Variants in RIMS2 observed in about 807,000 individuals in gnomAD.
RIMS2 encodes regulating synaptic membrane exocytosis 2.
In RIMS2, 59 loss-of-function variants were observed where a neutral mutation model predicts 174.4. The observed-to-expected ratio is 0.34, with a 90% CI of 0.27 to 0.42. The LOEUF is 0.42. Ranked by LOEUF, RIMS2 falls within the 10% of genes least tolerant of loss-of-function variation. The pLI is 1.00. For synonymous variants in RIMS2, 606 were observed against 572.5 expected (o/e 1.06, Z -0.84); for missense variants, 1,620 against 1,666.3 (o/e 0.97, Z 0.48).
intron 2 of RIMS2, among the ~76,000 whole-genome samples, chr8:103,719,812 A>G (rs565069123): frequency 1.3e-5 from 2 of 152,190 alleles, no homozygotes; most frequent in Non-Finnish European, 2.9e-5. Flanking sequence ...TGACCTAGGC[A>G]TGTCTAGTGA....
At chr8:103,819,150 A>G in intron 3 of RIMS2, 1 of 987,360 alleles carries the variant, frequency 1.0e-6, no homozygotes, top group Non-Finnish European at 1.2e-6. Context: ...TGACGACAGC[A>G]TCTATTCATT....
In RIMS2 at chr8:103,890,107, G is replaced by A. The variant is rs371414076; in HGVS notation, c.1624+3884G>A. On this transcript the variant is annotated intron_variant, in intron 4 of 23. Transcript: ENST00000504942. ...TCATACAGTATTCAAATCATTTTTG[G>A]ATTACTTAATGTTCTGTGATAGTTA... 4.7e-4 allele frequency among the ~76,000 whole-genome samples: 71 copies of A among 151,986 alleles called. No individual in the cohort carries two copies. The Middle Eastern group carries it at 0.02, about 44-fold the overall frequency.
intron 19 of RIMS2, among the ~76,000 whole-genome samples, chr8:104,215,289 A>G (rs1339215099): frequency 6.6e-6 from 1 of 152,214 alleles, no homozygotes; most frequent in Non-Finnish European, 1.5e-5. Context: ...TGTAATGAAT[A>G]CATGAAGCTT....
intron 1 of RIMS2, among the ~76,000 whole-genome samples, chr8:103,543,109 A>G (rs892816732): frequency 3.9e-5 from 6 of 152,202 alleles, no homozygotes; most frequent in Middle Eastern, 3.2e-3. Flanking sequence ...ATGATCTTAT[A>G]TACAGAAAAC....
chr8:103,996,179 G>A (rs1299267596), intron 17 of RIMS2, among the ~76,000 whole-genome samples: 1 of 151,740 alleles, frequency 6.6e-6, no homozygotes, highest in Admixed American at 6.6e-5. Context: ...TAAAAATGAG[G>A]CCAAATGGAT....
chr8:103,517,483 A>G (rs1586635030), intron 1 of RIMS2, among the ~76,000 whole-genome samples: 1 of 151,066 alleles, frequency 6.6e-6, no homozygotes, highest in Non-Finnish European at 1.5e-5. Context: ...ACTGATATTC[A>G]ATTGACCTGC....
intron 19 of RIMS2, among the ~76,000 whole-genome samples, chr8:104,082,527 G>A (rs1398043790): frequency 6.6e-6 from 1 of 152,082 alleles, no homozygotes; most frequent in East Asian, 1.9e-4. Context: ...ATGAGCACAA[G>A]CCATGTTTAA....
intron 1 of RIMS2, among the ~76,000 whole-genome samples, chr8:103,524,769 A>T (rs1586772314): frequency 6.6e-6 from 1 of 152,104 alleles, no homozygotes; most frequent in Admixed American, 6.6e-5. Flanking sequence ...ACCCATTGCT[A>T]CCCCTGCCAG....
chr8:103,511,889 T>C (rs775478142), intron 1 of RIMS2, among the ~76,000 whole-genome samples: 10 of 152,150 alleles, frequency 6.6e-5, no homozygotes, highest in Non-Finnish European at 1.2e-4. Context: ...GAGAAGCCCT[T>C]CCTGTGTGTC....
intron 1 of RIMS2, among the ~76,000 whole-genome samples, chr8:103,580,485 G>T (rs980088100): frequency 3.3e-5 from 5 of 151,674 alleles, no homozygotes; most frequent in Middle Eastern, 3.2e-3. Flanking sequence ...TGATAAAGGG[G>T]ATCAATTCAA....
intron 1 of RIMS2, among the ~76,000 whole-genome samples, chr8:103,641,816 C>T (rs1310968484): frequency 6.6e-6 from 1 of 152,102 alleles, no homozygotes; most frequent in Non-Finnish European, 1.5e-5. Flanking sequence ...CTTCATCTTC[C>T]ACCATGAGTG....
intron 15 of RIMS2, among the ~76,000 whole-genome samples, chr8:103,967,338 G>C (rs961262946): frequency 1.9e-4 from 29 of 151,458 alleles, no homozygotes; most frequent in African/African-American, 7.0e-4. Context: ...TTACAGGCAT[G>C]TGCCACTACA....
At chr8:104,008,554 C>T (rs1219492310) in intron 17 of RIMS2, among the ~76,000 whole-genome samples, 2 of 151,248 alleles carry the variant, frequency 1.3e-5, no homozygotes, top group Non-Finnish European at 3.0e-5. Flanking sequence ...GTATTTGTCC[C>T]TAATTTTCTT....
chr8:103,521,216 C>T lies in RIMS2; in HGVS notation c.176+20154C>T, dbSNP rs535477871. Among the ~76,000 whole-genome samples the T allele has an allele frequency of 2.0e-5, 3 of 151,882 alleles. No homozygotes were observed. The East Asian group carries it at 5.8e-4, about 29-fold the overall frequency. On this transcript the variant is annotated intron_variant, in intron 1 of 23. Coordinates refer to ENST00000504942, the Ensembl canonical transcript of RIMS2. ...GGAGTTAATGGGTGCAGCACACCAA[C>T]ATGGCACATGTATACATATGTAACA...
chr8:103,501,187 G>A (rs1819577179), intron 1 of RIMS2, 125 bp downstream of exon 1: 1 of 632,656 alleles, frequency 1.6e-6, no homozygotes, highest in African/African-American at 1.9e-5. Context: ...CAGGCCACGA[G>A]GGCTGCGGCC....
At chr8:103,602,115 A>G (rs1388935380) in intron 1 of RIMS2, among the ~76,000 whole-genome samples, 1 of 152,024 alleles carries the variant, frequency 6.6e-6, no homozygotes, top group South Asian at 2.1e-4. Flanking sequence ...CCTCCTGAGT[A>G]GCTGGGACTA....
chr8:103,738,007 A>G (rs2139204787), intron 2 of RIMS2, among the ~76,000 whole-genome samples: 1 of 152,268 alleles, frequency 6.6e-6, no homozygotes, highest in Non-Finnish European at 1.5e-5. Flanking sequence ...GATAAGTTCC[A>G]TGAGAATAGG....
At chr8:103,600,136 G>A (rs1019735431) in intron 1 of RIMS2, among the ~76,000 whole-genome samples, 1 of 152,114 alleles carries the variant, frequency 6.6e-6, no homozygotes, top group African/African-American at 2.4e-5. Context: ...ACAAATGAGT[G>A]AGAACATACA....
intron 19 of RIMS2, among the ~76,000 whole-genome samples, chr8:104,055,998 T>G (rs1285377506): frequency 1.3e-5 from 2 of 152,210 alleles, no homozygotes; most frequent in African/African-American, 4.8e-5. Context: ...GGAAATGTAA[T>G]GAATGCAGTA....
Sources: allele counts gnomAD v4.1 joint callset (sites outside exome capture counted in the v4.1 genomes callset), GRCh38; gene constraint gnomAD v4.1.1; transcripts MANE v1.5; gene names NCBI Gene and HGNC (gene_info 2026-07-23, HGNC 2026-07-21).